The following ADGRE5 variants were observed in gnomAD, a reference collection of about 807,000 sequenced individuals.
The protein encoded by ADGRE5 is adhesion G protein-coupled receptor E5.
A neutral mutation model predicts 100.3 loss-of-function variants in ADGRE5; 72 were observed. That is an observed-to-expected ratio of 0.72 (90% CI 0.59 to 0.87). ADGRE5 has a LOEUF of 0.87. Among genes scored for constraint, ADGRE5 ranks in the 40% least tolerant of loss-of-function variants. The probability of loss-of-function intolerance (pLI) is 0.00; values close to 1 mark genes in which losing one functional copy is unlikely to be tolerated. For synonymous variants in ADGRE5, 439 were observed against 447.8 expected (o/e 0.98, Z 0.25); for missense variants, 959 against 1,094.7 (o/e 0.88, Z 1.75).
At chr19:14,408,070 G>A in intron 19 of ADGRE5, 22 bp from the exon 20 acceptor site, 1 of 1,614,072 alleles carries the variant, frequency 6.2e-7, no homozygotes, top group Non-Finnish European at 8.5e-7. Context: ...CGGGGCTCAG[G>A]CCTCTGGGCT....
chr19:14,394,774 G>C (rs1216865739), intron 4 of ADGRE5, among the ~76,000 whole-genome samples: 2 of 152,108 alleles, frequency 1.3e-5, no homozygotes, highest in Non-Finnish European at 2.9e-5. Flanking sequence ...ACCCTGTCCA[G>C]AAACTCAGGA....
intron 5 of ADGRE5, 61 bp downstream of exon 5, chr19:14,396,534 G>C: frequency 6.2e-7 from 1 of 1,604,938 alleles, no homozygotes; most frequent in South Asian, 1.1e-5. Context: ...GCTGAGGCAC[G>C]TCCTCCAAAG....
Position 14,406,507 on chromosome 19 carries a change from C to T in ADGRE5, c.1998C>T (p.Ile666=), listed in dbSNP as rs146888178. The change falls in exon 15 of 20, where the codon ATC becomes ATT. Residue 666 remains isoleucine (I), a synonymous_variant. Coordinates refer to ENST00000242786, the MANE Select transcript of ADGRE5 (RefSeq NM_078481.4). This position sits in a 1 kb window ranked among gnomAD's most constrained non-coding sequence, Gnocchi z 6.0. The part of the protein sequence containing the change: ...CLIGYGVPLL[I]VGVSAAIYSK... ...TCGGCTATGGCGTGCCCCTGCTCAT[C>T]GTGGGCGTCTCGGCTGCCATCTACA... 1 of 1,566,818 alleles carries T rather than the reference C, an allele frequency of 6.4e-7. No individual in the cohort carries two copies. Among genetic ancestry groups the T allele is most frequent in the South Asian group, 1.2e-5 (1 of 86,780 alleles).
rs1267704695 is a variant in ADGRE5, at chr19:14,406,589, C to T, written c.2048+32C>T. 2 of 1,603,966 alleles carry T rather than the reference C, an allele frequency of 1.2e-6. No individual in the cohort carries two copies. The highest frequency in any genetic ancestry group is 2.2e-5 in the South Asian group (2 of 90,734). On this transcript the variant is annotated intron_variant, in intron 15 of 19. Transcript: ENST00000242786. This position sits in a 1 kb window ranked among gnomAD's most constrained non-coding sequence, Gnocchi z 6.0. ...GCAGCGAGATGGGGCAGGAGGAAGGCGGGGTGCTGGGCCTGGGGCTCACAG... is the reference window on the plus strand; with the variant it reads ...GCAGCGAGATGGGGCAGGAGGAAGGTGGGGTGCTGGGCCTGGGGCTCACAG...
Position 14,381,565 on chromosome 19 carries a change from G to A in ADGRE5, c.22+20G>A, listed in dbSNP as rs1212351380. On this transcript the variant is annotated intron_variant, in intron 1 of 19. Coordinates refer to ENST00000242786, the MANE Select transcript of ADGRE5 (RefSeq NM_078481.4). The stretch of plus-strand genomic sequence containing the variant: ...TTCTCGGTAAGTACTTTGGGGCCCC[G>A]CTGGGAGGGGCGAGGAAGCTCCAGC... 2 of 1,596,262 alleles carry A rather than the reference G, an allele frequency of 1.3e-6. No individual in the cohort carries two copies. Among genetic ancestry groups the A allele is most frequent in the Admixed American group, 1.9e-5 (1 of 52,982 alleles).
chr19:14,387,271 G>A (rs1264134819), intron 1 of ADGRE5, among the ~76,000 whole-genome samples: 1 of 152,006 alleles, frequency 6.6e-6, no homozygotes, highest in Non-Finnish European at 1.5e-5. Flanking sequence ...AGCAGCAGCT[G>A]GAGCTGAGAC....
At chr19:14,399,936 C>G (rs1975943799) in intron 9 of ADGRE5, among the ~76,000 whole-genome samples, 1 of 152,068 alleles carries the variant, frequency 6.6e-6, no homozygotes, top group African/African-American at 2.4e-5. Context: ...ACCTCCTGGG[C>G]TCAAGCAATC....
At chr19:14,396,218 A>G (rs1022833639) in intron 4 of ADGRE5, 124 bp from the exon 5 acceptor site, 1 of 1,577,622 alleles carries the variant, frequency 6.3e-7, no homozygotes, top group South Asian at 1.1e-5. Flanking sequence ...CTCTGTGTGG[A>G]TTGGAAAAGG....
rs1215964074 is a variant in ADGRE5 at position 14,407,964 on chromosome 19, A to G, written c.2433A>G (p.Ser811=). 9 of 1,614,048 alleles carry G rather than the reference A, an allele frequency of 5.6e-6. No individual in the cohort carries two copies. In the South Asian group the frequency reaches 9.9e-5, roughly 18 times the overall value. The change falls in exon 19 of 20, where the codon TCA becomes TCG. Residue 811 remains serine (S), a synonymous_variant. Coordinates refer to ENST00000242786, the MANE Select transcript of ADGRE5 (RefSeq NM_078481.4). ...ACLVAGGSKY[S]EFTSTTSGTG... ...TAGTTGCTGGGGGGAGCAAGTACTC[A>G]GAATTCACCTCCACCACGTCTGGCA...
At chr19:14,403,541 C>T (rs759464731) in intron 12 of ADGRE5, among the ~76,000 whole-genome samples, 4 of 152,148 alleles carry the variant, frequency 2.6e-5, no homozygotes, top group South Asian at 4.2e-4. Flanking sequence ...TTGATAGAGA[C>T]GGGGACCTCA....
intron 5 of ADGRE5, 129 bp downstream of exon 5, chr19:14,396,602 C>A (rs1975789920): frequency 7.7e-6 from 11 of 1,425,954 alleles, no homozygotes; most frequent in Non-Finnish European, 9.5e-6. Flanking sequence ...ACCTGCTAAG[C>A]CCCTGCCTAA....
In ADGRE5 at chr19:14,381,556, T is replaced by A. The variant is rs1337668333; in HGVS notation, c.22+11T>A. 1 of 1,601,518 alleles carries A rather than the reference T, an allele frequency of 6.2e-7. No individual in the cohort carries two copies. The highest frequency in any genetic ancestry group is 1.1e-5 in the South Asian group (1 of 90,432). The stretch of plus-strand genomic sequence containing the variant: ...GCCGCGTCTTTCTCGGTAAGTACTT[T>A]GGGGCCCCGCTGGGAGGGGCGAGGA... On this transcript the variant is annotated intron_variant, in intron 1 of 19. Coordinates refer to ENST00000242786, the MANE Select transcript of ADGRE5 (RefSeq NM_078481.4).
chr19:14,405,578 G>A, intron 13 of ADGRE5, 170 bp from the exon 14 acceptor site: 1 of 584,570 alleles, frequency 1.7e-6, no homozygotes, highest in East Asian at 3.0e-5. Flanking sequence ...ACAAAAATGT[G>A]AAATCCCTAG....
intron 9 of ADGRE5, among the ~76,000 whole-genome samples, chr19:14,399,432 C>T (rs958887337): frequency 2.7e-5 from 4 of 150,762 alleles, no homozygotes; most frequent in Admixed American, 6.6e-5. Flanking sequence ...GGCGTAGTGG[C>T]GGGCGCCTGT....
intron 9 of ADGRE5, among the ~76,000 whole-genome samples, chr19:14,400,113 G>A (rs929853919): frequency 2.0e-5 from 3 of 151,846 alleles, no homozygotes; most frequent in Admixed American, 1.3e-4. Flanking sequence ...TCCGCCTCCC[G>A]GGTTCATGCC....
Position 14,408,558 on chromosome 19 carries a change from G to A in ADGRE5, c.*437G>A, listed in dbSNP as rs937083836. 1.4e-5 allele frequency: 6 copies of A among 428,578 alleles called. No individual in the cohort carries two copies. Among genetic ancestry groups the A allele is most frequent in the South Asian group, 4.1e-5 (1 of 24,420 alleles). The allele number at this position is 428,578 out of a possible 1,614,324, so 26.5% of individuals were successfully genotyped here. On this transcript the variant is annotated 3_prime_UTR_variant, in exon 20 of 20. Transcript: ENST00000242786. Reference sequence around the variant, plus strand: ...AGACTGATGTCAGAGGCCCCATGGCGAGGCCCCTTGGGGCCACTGCCTGAG... The same window carrying A: ...AGACTGATGTCAGAGGCCCCATGGCAAGGCCCCTTGGGGCCACTGCCTGAG...
rs541935943 is a variant in ADGRE5 at position 14,396,549 on chromosome 19, C to A, written c.478+76C>A. 5 of 1,588,060 alleles carry A rather than the reference C, an allele frequency of 3.1e-6. No homozygotes were observed. In the Admixed American group the frequency reaches 8.8e-5, roughly 28 times the overall value. On this transcript the variant is annotated intron_variant, in intron 5 of 19. Coordinates refer to ENST00000242786, the MANE Select transcript of ADGRE5 (RefSeq NM_078481.4). Reference sequence around the variant, plus strand: ...GCTGAGGCACGTCCTCCAAAGCAGCCGAGGAGGAGGGGGAAGATCCGCAGG... The same window carrying A: ...GCTGAGGCACGTCCTCCAAAGCAGCAGAGGAGGAGGGGGAAGATCCGCAGG...
intron 1 of ADGRE5, among the ~76,000 whole-genome samples, chr19:14,385,786 T>C (rs978074460): frequency 5.3e-5 from 8 of 151,142 alleles, no homozygotes; most frequent in Non-Finnish European, 5.9e-5. Flanking sequence ...TTTTTTTTTT[T>C]CTGAGACGGA....
At chr19:14,402,978 C>T (rs1976076510) in intron 12 of ADGRE5, 116 bp downstream of exon 12, 3 of 897,884 alleles carry the variant, frequency 3.3e-6, no homozygotes, top group South Asian at 3.2e-5. Context: ...TTCTGGCCTT[C>T]TGATTTGGGC....
Sources: gnomAD v4.1 joint callset for allele counts (sites outside exome capture counted in the v4.1 genomes callset) on GRCh38, gnomAD v4.1.1 for gene constraint, Gnocchi (gnomAD v3.1) non-coding constraint, MANE v1.5 for transcripts, NCBI Gene and HGNC (gene_info 2026-07-23, HGNC 2026-07-21) for gene names.